The following DDX1 variants were observed in gnomAD, a reference collection of about 807,000 sequenced individuals.
The protein encoded by DDX1 is ATP-dependent RNA helicase DDX1.
A neutral mutation model predicts 108.7 loss-of-function variants in DDX1; 28 were observed. That is an observed-to-expected ratio of 0.26 (90% confidence interval 0.19 to 0.35). The LOEUF (loss-of-function observed/expected upper bound fraction) is 0.35, where lower values mean the gene tolerates loss of function less well. DDX1 is among the 10% of genes least tolerant of loss of function. DDX1 has a pLI of 1.00. For synonymous variants in DDX1, 295 were observed against 288.9 expected, an observed-to-expected ratio of 1.02 and a Z score of -0.21; for missense variants, 710 against 884.5, an observed-to-expected ratio of 0.80 and a Z score of 2.50.
At chr2:15,630,330 C>T (rs976756673) in intron 25 of DDX1, among the ~76,000 whole-genome samples, 18 of 152,174 alleles carry the variant, frequency 1.2e-4, no homozygotes, top group Admixed American at 5.9e-4. Context: ...CAGCTTAGCT[C>T]TTTCTCTTGA....
At chr2:15,624,534 G>A (rs982118727) in intron 19 of DDX1, among the ~76,000 whole-genome samples, 1 of 152,122 alleles carries the variant, frequency 6.6e-6, no homozygotes, top group Non-Finnish European at 1.5e-5. Flanking sequence ...AGTAGGAAAA[G>A]CCCCTTATAA....
At chr2:15,612,366 A>T (rs559790345) in intron 13 of DDX1, among the ~76,000 whole-genome samples, 1 of 148,564 alleles carries the variant, frequency 6.7e-6, no homozygotes, top group Non-Finnish European at 1.5e-5. Context: ...ATCTCAGACG[A>T]TGGGCAGCTG....
chr2:15,606,949 A>G (rs1228391162), intron 12 of DDX1, among the ~76,000 whole-genome samples: 1 of 152,182 alleles, frequency 6.6e-6, no homozygotes, highest in African/African-American at 2.4e-5. Context: ...TGGGCCGCCC[A>G]AAGTGCTAGG....
rs1381273262 is a variant in DDX1, at chr2:15,603,861, C to T, written c.523C>T (p.His175Tyr). ...CTTTGGTGGAACAGGAAAGAAATCCCATAACAAACAATTTGATAATTATGG... is the reference window on the plus strand; with the variant it reads ...CTTTGGTGGAACAGGAAAGAAATCCTATAACAAACAATTTGATAATTATGG... ...FGFGGTGKKS[H>Y]NKQFDNYGEE... The change falls in exon 9 of 26, where the codon CAT (histidine) becomes TAT (tyrosine). Residue 175 changes from histidine (H) to tyrosine (Y), a missense_variant. Transcript: ENST00000233084. The T allele has an allele frequency of 6.2e-7, 1 of 1,611,610 alleles. No homozygotes were observed. The highest frequency in any genetic ancestry group is 2.2e-5 in the East Asian group (1 of 44,722).
chr2:15,594,299 T>TA (rs1386454383), intron 1 of DDX1, among the ~76,000 whole-genome samples: 1 of 152,170 alleles, frequency 6.6e-6, no homozygotes, highest in African/African-American at 2.4e-5. Flanking sequence ...TTCTTTTTTT[T>TA]ATAGGAATAT....
rs142566898 is a variant in DDX1 at position 15,630,908 on chromosome 2, T to A, written c.*2T>A. ...AACCAGCTGTTCAGAACCTTCTGAT[T>A]TTTACATTTACTGAATAAGATTTGA... On this transcript the variant is annotated 3_prime_UTR_variant, in exon 26 of 26. Coordinates refer to ENST00000233084, the MANE Select transcript of DDX1 (RefSeq NM_004939.3). 2.5e-6 allele frequency: 4 copies of A among 1,613,612 alleles called. No homozygotes were observed. Among genetic ancestry groups the A allele is most frequent in the Non-Finnish European group, 3.4e-6 (4 of 1,179,628 alleles).
intron 3 of DDX1, among the ~76,000 whole-genome samples, chr2:15,596,523 T>C (rs1241530595): frequency 6.6e-6 from 1 of 151,986 alleles, no homozygotes; most frequent in African/African-American, 2.4e-5. Context: ...ATGGTAGCAA[T>C]GGGAAAGGGA....
intron 13 of DDX1, among the ~76,000 whole-genome samples, chr2:15,612,251 G>A (rs556745036): frequency 2.4e-4 from 37 of 151,408 alleles, no homozygotes; most frequent in Middle Eastern, 7.0e-3. Context: ...CTTCTCAGAC[G>A]GGGCGGCCGG....
intron 19 of DDX1, among the ~76,000 whole-genome samples, chr2:15,624,258 C>CT (rs1442721327): frequency 2.0e-5 from 3 of 152,084 alleles, no homozygotes; most frequent in African/African-American, 7.2e-5. Flanking sequence ...TTGCAGTAGA[C>CT]TTTAAGACAA....
intron 4 of DDX1, 92 bp from the exon 5 acceptor site, chr2:15,597,283 A>G (rs1433306376): frequency 1.3e-6 from 1 of 766,600 alleles, no homozygotes; most frequent in Non-Finnish European, 2.2e-6. Context: ...TGATTAGTTG[A>G]TGTGTGTGCA....
chr2:15,617,417 G>A (rs1252237910), intron 15 of DDX1, 75 bp downstream of exon 15: 2 of 820,896 alleles, frequency 2.4e-6, no homozygotes, highest in African/African-American at 3.5e-5. Context: ...AAATGAAGAA[G>A]AAATATAATT....
chr2:15,627,788 T>G (rs1330136922), intron 20 of DDX1, among the ~76,000 whole-genome samples: 3 of 152,174 alleles, frequency 2.0e-5, no homozygotes, highest in Non-Finnish European at 4.4e-5. Flanking sequence ...TGGCTTACGT[T>G]TCCATGCTGG....
intron 20 of DDX1, chr2:15,627,651 C>T: frequency 6.5e-6 from 1 of 153,002 alleles, no homozygotes. Context: ...ATGGCTTGAG[C>T]CATTTAGAAC....
chr2:15,603,412 C>A, intron 8 of DDX1, 137 bp downstream of exon 8: 1 of 656,432 alleles, frequency 1.5e-6, no homozygotes. Context: ...TTATCTGTAC[C>A]CCACCCTGTT....
chr2:15,605,025 C>A (rs148653500), intron 10 of DDX1, among the ~76,000 whole-genome samples: 1 of 151,954 alleles, frequency 6.6e-6, no homozygotes, highest in Non-Finnish European at 1.5e-5. Flanking sequence ...GGATAAAGGA[C>A]GGTGGTAGAA....
chr2:15,617,406 A>G, intron 15 of DDX1, 64 bp downstream of exon 15: 1 of 908,402 alleles, frequency 1.1e-6, no homozygotes, highest in African/African-American at 1.7e-5. Context: ...TAAAATATAT[A>G]AAATGAAGAA....
At chr2:15,592,069 T>G in intron 1 of DDX1, 120 bp downstream of exon 1, 2 of 973,534 alleles carry the variant, frequency 2.1e-6, no homozygotes, top group Admixed American at 4.1e-5. Context: ...AGAAGGGCGC[T>G]GTCCGCTGCA....
chr2:15,619,603 T>G (rs1484217518), intron 16 of DDX1, among the ~76,000 whole-genome samples: 1 of 152,252 alleles, frequency 6.6e-6, no homozygotes, highest in African/African-American at 2.4e-5. Context: ...CCCCTCTCAT[T>G]AAATTTATTA....
At chr2:15,624,371 CTG>C (rs2148748979) in intron 19 of DDX1, among the ~76,000 whole-genome samples, 1 of 152,216 alleles carries the variant, frequency 6.6e-6, no homozygotes, top group Admixed American at 6.5e-5. Flanking sequence ...AGAATGTAAA[CTG>C]TATTAGTCTG....
Sources: allele counts gnomAD v4.1 joint callset (sites outside exome capture counted in the v4.1 genomes callset), GRCh38; gene constraint gnomAD v4.1.1; transcripts MANE v1.5; gene names NCBI Gene and HGNC (gene_info 2026-07-23, HGNC 2026-07-21).